The following MICAL3 variants were observed in gnomAD, a reference collection of about 807,000 sequenced individuals.
MICAL3 encodes the protein microtubule associated monooxygenase, calponin and LIM domain containing 3, also known as [F-actin]-monooxygenase MICAL3.
A neutral mutation model predicts 207.4 loss-of-function variants in MICAL3; 62 were observed. That is an observed-to-expected ratio of 0.30 (90% CI 0.24 to 0.37). The LOEUF is 0.37. MICAL3 is among the 10% of genes least tolerant of loss of function. The pLI, the probability that MICAL3 is intolerant of heterozygous loss-of-function variation, is 1.00. For synonymous variants in MICAL3, 1,077 were observed against 1,069.3 expected (o/e 1.01, Z -0.14); for missense variants, 2,368 against 2,635.6 (o/e 0.90, Z 2.22).
intron 22 of MICAL3, chr22:17,826,454 C>T: frequency 1.0e-6 from 1 of 985,904 alleles, no homozygotes; most frequent in Non-Finnish European, 1.2e-6. Context: ...ACCAGACTAC[C>T]TCCGGAGACC....
At chr22:17,927,187 C>G (rs1000249243) in intron 1 of MICAL3, among the ~76,000 whole-genome samples, 8 of 152,186 alleles carry the variant, frequency 5.3e-5, no homozygotes, top group Admixed American at 5.2e-4. Context: ...ATGTATTTGT[C>G]TCTCTGTGTC....
intron 1 of MICAL3, chr22:18,005,583 A>G (rs1450170406): frequency 6.6e-6 from 1 of 152,246 alleles, no homozygotes; most frequent in Admixed American, 6.5e-5. Context: ...AACAAGTCAA[A>G]GAAGACTTCT....
intron 1 of MICAL3, chr22:18,020,287 T>G (rs575888905): frequency 1.3e-5 from 2 of 152,236 alleles, no homozygotes; most frequent in South Asian, 4.2e-4. Context: ...AAACTACACT[T>G]CTTTTTCCTT....
intron 1 of MICAL3, among the ~76,000 whole-genome samples, chr22:17,937,572 C>T (rs62240608): frequency 2.0e-5 from 3 of 152,238 alleles, no homozygotes; most frequent in Admixed American, 6.5e-5. Context: ...CTGAGGCAGA[C>T]GAATCGCTGG....
At chr22:17,826,431 G>A (rs915930562) in intron 22 of MICAL3, 34 of 984,066 alleles carry the variant, frequency 3.5e-5, no homozygotes, top group Non-Finnish European at 4.1e-5. Context: ...TGAGTGGGGA[G>A]AGAGTGAACA....
At chr22:18,001,187 G>C (rs1188065237) in intron 1 of MICAL3, 2 of 152,054 alleles carry the variant, frequency 1.3e-5, no homozygotes, top group African/African-American at 4.8e-5. Flanking sequence ...AAGCGCAGCC[G>C]GAAGGAGGCG....
chr22:17,926,704 C>A (rs1265497835), intron 1 of MICAL3, among the ~76,000 whole-genome samples: 2 of 152,200 alleles, frequency 1.3e-5, no homozygotes, highest in Non-Finnish European at 2.9e-5. Context: ...TGCAAAAGGC[C>A]GGAGGCGTGG....
In MICAL3 at chr22:18,002,565, G is replaced by A. The variant is rs190082407; in HGVS notation, c.-75+21716C>T. 3.7e-4 allele frequency among the ~76,000 whole-genome samples: 57 copies of A among 152,186 alleles called. No individual in the cohort carries two copies. The East Asian group carries it at 9.9e-3, about 26-fold the overall frequency. ...GGAGAATCGCTTGAACCCAGGAGGCGGAGGTTGAACTGAGCCCAGATCGTG... is the reference window on the plus strand; with the variant it reads ...GGAGAATCGCTTGAACCCAGGAGGCAGAGGTTGAACTGAGCCCAGATCGTG... On this transcript the variant is annotated intron_variant, in intron 1 of 31. Coordinates refer to ENST00000441493, the MANE Select transcript of MICAL3 (RefSeq NM_015241.3).
At chr22:17,892,084 C>T (rs1166593152) in intron 11 of MICAL3, among the ~76,000 whole-genome samples, 2 of 152,186 alleles carry the variant, frequency 1.3e-5, no homozygotes, top group Non-Finnish European at 1.5e-5. Flanking sequence ...TAGGGTGGCA[C>T]GTTCAACCCA....
intron 1 of MICAL3, among the ~76,000 whole-genome samples, chr22:17,976,149 T>C (rs558027403): frequency 1.2e-4 from 18 of 152,312 alleles, no homozygotes; most frequent in Admixed American, 1.0e-3. Flanking sequence ...TCTAATCTTA[T>C]CTGAACAATA....
chr22:17,919,585 G>C (rs570768388), intron 1 of MICAL3, among the ~76,000 whole-genome samples: 1 of 152,374 alleles, frequency 6.6e-6, no homozygotes, highest in South Asian at 2.1e-4. Context: ...AAATGAAAAT[G>C]AACTGTGTGC....
At chr22:17,973,350 T>G (rs907695369) in intron 1 of MICAL3, among the ~76,000 whole-genome samples, 2 of 152,222 alleles carry the variant, frequency 1.3e-5, no homozygotes, top group African/African-American at 4.8e-5. Context: ...TCTACCAGTC[T>G]GAAATCTGAT....
intron 1 of MICAL3, among the ~76,000 whole-genome samples, chr22:17,978,898 G>A (rs1391081076): frequency 6.6e-6 from 1 of 151,918 alleles, no homozygotes; most frequent in Non-Finnish European, 1.5e-5. Context: ...AAACTGGCTG[G>A]GCACAGTGGC....
At position 17,865,908 on chromosome 22, in the gene MICAL3, G is replaced by C; in HGVS notation, c.2517+16C>G. 1 of 1,604,378 alleles carries C rather than the reference G, an allele frequency of 6.2e-7. No individual in the cohort carries two copies. The highest frequency in any genetic ancestry group is 8.5e-7 in the Non-Finnish European group (1 of 1,171,130). ...ACCCACTGCTTCTCCCCCACTTACA[G>C]GAGAGTCACCATTACCTTTCCAGAC... On this transcript the variant is annotated intron_variant, in intron 18 of 31. Coordinates refer to ENST00000441493, the MANE Select transcript of MICAL3 (RefSeq NM_015241.3).
chr22:18,001,375 C>T (rs1041343257), intron 1 of MICAL3: 5 of 152,246 alleles, frequency 3.3e-5, no homozygotes, highest in African/African-American at 4.8e-5. Flanking sequence ...GGTCGGAGTC[C>T]CGAAGCCCCG....
intron 29 of MICAL3, among the ~76,000 whole-genome samples, chr22:17,795,773 G>A (rs576739354): frequency 2.0e-5 from 3 of 152,284 alleles, no homozygotes; most frequent in African/African-American, 4.8e-5. Flanking sequence ...CACAACGGGC[G>A]AGGCTACTTT....
rs1416525874 is a variant in MICAL3 at position 17,996,134 on chromosome 22, T to TTA, written c.-75+28146_-75+28147insTA. Among the ~76,000 whole-genome samples, 132 of 93,600 alleles carry TTA rather than the reference T, an allele frequency of 1.4e-3. 1 individual carries two copies. The highest frequency in any genetic ancestry group is 5.2e-3 in the African/African-American group (118 of 22,898). The allele number at this position is 93,600 out of a possible 152,430, so 61.4% of individuals were successfully genotyped here. A position where few individuals can be genotyped will look rare whatever the true frequency, so the allele number is the denominator to read the frequency against. ...GGCAGAGTGAGATGCTGTCTCAATT[T>TTA]AAAAAAAAAAAAAAAAAAAAAAAGG... On this transcript the variant is annotated intron_variant, in intron 1 of 31. Transcript: ENST00000441493.
At chr22:17,932,448 G>A (rs1933312894) in intron 1 of MICAL3, among the ~76,000 whole-genome samples, 2 of 152,112 alleles carry the variant, frequency 1.3e-5, no homozygotes. Flanking sequence ...GTTACCACCA[G>A]GCCTGCCTTA....
At chr22:17,912,327 G>C (rs1932197095) in intron 1 of MICAL3, among the ~76,000 whole-genome samples, 3 of 150,868 alleles carry the variant, frequency 2.0e-5, no homozygotes, top group Admixed American at 2.0e-4. Flanking sequence ...AGGGTCCCTT[G>C]AGATTCCATG....
Sources: gnomAD v4.1 joint callset for allele counts (sites outside exome capture counted in the v4.1 genomes callset) on GRCh38, gnomAD v4.1.1 for gene constraint, MANE v1.5 for transcripts, NCBI Gene and HGNC (gene_info 2026-07-23, HGNC 2026-07-21) for gene names.